The following FHOD3 variants were observed in gnomAD, a reference collection of about 807,000 sequenced individuals.
FHOD3 encodes the protein FH1/FH2 domain-containing protein 3.
In FHOD3, 90 loss-of-function variants were observed where a neutral mutation model predicts 173.0. That is an observed-to-expected ratio of 0.52 (90% CI 0.44 to 0.62). The LOEUF (loss-of-function observed/expected upper bound fraction) is 0.62, where lower values mean the gene tolerates loss of function less well. Ranked by LOEUF, FHOD3 falls within the 20% of genes least tolerant of loss-of-function variation. The pLI is 0.00. For missense variants in FHOD3, 1,945 were observed against 2,034.7 expected (o/e 0.96, Z 0.85); for synonymous variants, 828 against 823.0 (o/e 1.01, Z -0.10).
intron 1 of FHOD3, among the ~76,000 whole-genome samples, chr18:36,337,125 T>C (rs188433590): frequency 6.6e-6 from 1 of 151,598 alleles, no homozygotes; most frequent in East Asian, 1.9e-4. Context: ...TGAGCTGAGA[T>C]TGTGCCACTG....
chr18:36,435,660 T>C (rs1355047597), intron 3 of FHOD3, among the ~76,000 whole-genome samples: 1 of 152,170 alleles, frequency 6.6e-6, no homozygotes, highest in Non-Finnish European at 1.5e-5. Flanking sequence ...GAATGATATA[T>C]GAAAAGCAAC....
intron 16 of FHOD3, among the ~76,000 whole-genome samples, chr18:36,687,729 AT>A (rs1271036960): frequency 6.6e-6 from 1 of 152,218 alleles, no homozygotes; most frequent in Non-Finnish European, 1.5e-5. Flanking sequence ...CTTAGGAATA[AT>A]ATATGGAATC....
intron 8 of FHOD3, among the ~76,000 whole-genome samples, chr18:36,604,265 T>C (rs1206631580): frequency 6.6e-6 from 1 of 152,212 alleles, no homozygotes; most frequent in African/African-American, 2.4e-5. Flanking sequence ...CAGTGATGGT[T>C]AGGGCTTCAG....
intron 1 of FHOD3, among the ~76,000 whole-genome samples, chr18:36,321,317 G>T (rs2044381791): frequency 6.6e-6 from 1 of 152,022 alleles, no homozygotes. Flanking sequence ...CCATGTGTGG[G>T]CTATAGGAAG....
At chr18:36,328,891 G>A (rs1367513686) in intron 1 of FHOD3, among the ~76,000 whole-genome samples, 1 of 152,140 alleles carries the variant, frequency 6.6e-6, no homozygotes, top group Non-Finnish European at 1.5e-5. Context: ...TTTAAGGTGG[G>A]GCTGTCAGTT....
rs745642307 is a variant in FHOD3 at position 36,718,652 on chromosome 18, G to T, written c.3354G>T (p.Lys1118Asn). ...TGTGGTCAAAACTGGAACCCATTAA[G>T]GTGGACACTTCCAGACTGGAGCACC... ...EFLWSKLEPI[K>N]VDTSRLEHLF... is the part of the protein sequence containing the mutation. The change falls in exon 19 of 29, where the codon AAG (lysine) becomes AAT (asparagine). Residue 1118 changes from lysine (K) to asparagine (N), a missense_variant. Physicochemically the swap from Lys to Asn is moderately conservative, Grantham distance 94. This residue lies in a region of FHOD3 where 231 missense variants were observed against 321.9 expected (regional missense o/e 0.72). Transcript: ENST00000590592. 8.1e-6 allele frequency: 13 copies of T among 1,614,200 alleles called. No individual in the cohort carries two copies. In the South Asian group the frequency reaches 1.2e-4, roughly 15 times the overall value.
chr18:36,761,529 C>A (rs2042877709), intron 27 of FHOD3, among the ~76,000 whole-genome samples: 1 of 152,120 alleles, frequency 6.6e-6, no homozygotes, highest in African/African-American at 2.4e-5. Context: ...GCTTGGCATT[C>A]CCTCACCCTG....
At chr18:36,398,758 A>G (rs2048668654) in intron 3 of FHOD3, among the ~76,000 whole-genome samples, 1 of 152,150 alleles carries the variant, frequency 6.6e-6, no homozygotes, top group South Asian at 2.1e-4. Flanking sequence ...GTTCCAATTT[A>G]CCAAAATAGG....
intron 1 of FHOD3, among the ~76,000 whole-genome samples, chr18:36,318,718 TTCTC>T (rs1194904200): frequency 6.6e-6 from 1 of 152,230 alleles, no homozygotes; most frequent in African/African-American, 2.4e-5. Flanking sequence ...CTTTCTTTCT[TTCTC>T]TTGCCTGATT....
intron 3 of FHOD3, among the ~76,000 whole-genome samples, chr18:36,426,648 G>T (rs990834240): frequency 6.6e-6 from 1 of 152,190 alleles, no homozygotes; most frequent in Non-Finnish European, 1.5e-5. Flanking sequence ...ATAGACATGT[G>T]CATGAAGGAA....
In FHOD3 at chr18:36,674,440, C is replaced by T. The variant is rs570616684; in HGVS notation, c.1836-6996C>T. Among the ~76,000 whole-genome samples the T allele has an allele frequency of 9.9e-5, 15 of 152,210 alleles. No homozygotes were observed. In the South Asian group the frequency reaches 1.0e-3, roughly 11 times the overall value. On this transcript the variant is annotated intron_variant, in intron 14 of 28. Transcript: ENST00000590592. The stretch of plus-strand genomic sequence containing the variant: ...TGTCACCCAGGCTGGAATGCAGTGG[C>T]GTGATCATAGCTCACTGTGGCCTTG...
intron 16 of FHOD3, 101 bp downstream of exon 16, chr18:36,687,279 C>A: frequency 2.3e-6 from 2 of 869,260 alleles, no homozygotes; most frequent in Non-Finnish European, 1.8e-6. Flanking sequence ...AACTGCTTCA[C>A]CTAAAACCTT....
chr18:36,505,849 A>G (rs2055272661), intron 4 of FHOD3, among the ~76,000 whole-genome samples: 1 of 152,240 alleles, frequency 6.6e-6, no homozygotes, highest in Admixed American at 6.5e-5. Flanking sequence ...CAAGGACAGA[A>G]TAACCATGCT....
chr18:36,386,114 G>GT (rs1256496339), intron 3 of FHOD3, among the ~76,000 whole-genome samples: 1 of 152,208 alleles, frequency 6.6e-6, no homozygotes, highest in Admixed American at 6.5e-5. Context: ...AATACAATCT[G>GT]TATGTTTGTC....
chr18:36,433,208 A>G (rs2050643784), intron 3 of FHOD3, among the ~76,000 whole-genome samples: 1 of 152,166 alleles, frequency 6.6e-6, no homozygotes, highest in Non-Finnish European at 1.5e-5. Context: ...ATGATATCTC[A>G]TCACATTCAC....
intron 1 of FHOD3, among the ~76,000 whole-genome samples, chr18:36,351,006 C>T (rs1205795124): frequency 1.3e-5 from 2 of 152,122 alleles, no homozygotes; most frequent in Non-Finnish European, 2.9e-5. Flanking sequence ...CTCCTTGGCT[C>T]ATGTGATGGT....
At chr18:36,402,321 AAG>A (rs2048852178) in intron 3 of FHOD3, among the ~76,000 whole-genome samples, 1 of 152,174 alleles carries the variant, frequency 6.6e-6, no homozygotes. Context: ...GATGACAGCA[AAG>A]AACCTGAGTG....
chr18:36,462,178 C>T (rs1366993601), intron 3 of FHOD3, among the ~76,000 whole-genome samples: 2 of 152,182 alleles, frequency 1.3e-5, no homozygotes, highest in South Asian at 2.1e-4. Context: ...GACTTACCCA[C>T]CAGTGGGGTT....
At chr18:36,521,942 A>C (rs954608208) in intron 5 of FHOD3, among the ~76,000 whole-genome samples, 3 of 152,054 alleles carry the variant, frequency 2.0e-5, no homozygotes, top group African/African-American at 7.2e-5. Flanking sequence ...ACCCATCTTC[A>C]TCTGGTTCAC....
Sources: allele counts gnomAD v4.1 joint callset (sites outside exome capture counted in the v4.1 genomes callset), GRCh38; gene constraint gnomAD v4.1.1; regional missense constraint gnomAD v4.1.1; transcripts MANE v1.5; gene names NCBI Gene and HGNC (gene_info 2026-07-23, HGNC 2026-07-21).